Variants in SLC39A11 observed in about 807,000 individuals in gnomAD.
SLC39A11 encodes zinc transporter ZIP11.
A neutral mutation model predicts 36.1 loss-of-function variants in SLC39A11; 33 were observed. The ratio of observed to expected loss-of-function variants is 0.91; its 90% CI spans 0.69 to 1.22. SLC39A11 has a LOEUF of 1.22. SLC39A11 is among the 50% of genes most tolerant of loss of function. The pLI is 0.00. For missense variants in SLC39A11, 432 were observed against 430.3 expected, an observed-to-expected ratio of 1.00 and a Z score of -0.03; for synonymous variants, 166 against 170.3, an observed-to-expected ratio of 0.97 and a Z score of 0.20.
intron 7 of SLC39A11, among the ~76,000 whole-genome samples, chr17:72,697,752 C>T (rs556840596): frequency 2.0e-5 from 3 of 151,208 alleles, no homozygotes; most frequent in East Asian, 3.9e-4. Context: ...ACCCCCGCCC[C>T]GACCCTCATG....
chr17:72,785,667 G>T (rs1315108840), intron 6 of SLC39A11, among the ~76,000 whole-genome samples: 1 of 152,156 alleles, frequency 6.6e-6, no homozygotes, highest in Non-Finnish European at 1.5e-5. Flanking sequence ...TTTAGTGGTG[G>T]CTTCAAATGG....
At chr17:73,021,741 G>A (rs2148593167) in intron 4 of SLC39A11, among the ~76,000 whole-genome samples, 1 of 152,282 alleles carries the variant, frequency 6.6e-6, no homozygotes, top group South Asian at 2.1e-4. Flanking sequence ...GAGCTCAAGA[G>A]ACAGCAAGAG....
intron 5 of SLC39A11, among the ~76,000 whole-genome samples, chr17:72,901,169 G>A (rs2082377015): frequency 6.6e-6 from 1 of 152,242 alleles, no homozygotes; most frequent in Non-Finnish European, 1.5e-5. Flanking sequence ...AAGGCAATGA[G>A]GTGGCCTCGG....
At chr17:73,067,747 A>G (rs2060038967) in intron 3 of SLC39A11, 2 of 816,782 alleles carry the variant, frequency 2.4e-6, no homozygotes, top group South Asian at 3.0e-5. Context: ...ATAAACATAG[A>G]GTAGACACGT....
Position 72,900,184 on chromosome 17 carries a change from A to AAGGAAGGAAG in SLC39A11, c.430+47567_430+47568insCTTCCTTCCT, listed in dbSNP as rs1567912757. Among the ~76,000 whole-genome samples the AAGGAAGGAAG allele has an allele frequency of 1.4e-5, 2 of 144,030 alleles. 1 individual carries two copies. Among genetic ancestry groups the AAGGAAGGAAG allele is most frequent in the African/African-American group, 5.7e-5 (2 of 35,162 alleles). The allele number at this position is 144,030 out of a possible 152,430, so 94.5% of individuals were successfully genotyped here. On this transcript the variant is annotated intron_variant, in intron 5 of 9. Coordinates refer to ENST00000255559, the MANE Select transcript of SLC39A11 (RefSeq NM_139177.4). ...AAGAAAGAAAGAAAGAAAGAAAGAA[A>AAGGAAGGAAG]GAAAGAAAGAAAGAAAGAAAGAAAG...
At position 72,892,806 on chromosome 17, in the gene SLC39A11, T is replaced by C. The variant is rs550661099; in HGVS notation, c.431-43002A>G. ...GAGTGCAGTGAGAAACTGTTCAGATTTGACAGCCATTTCCCGCATAACTCC... is the reference window on the plus strand; with the variant it reads ...GAGTGCAGTGAGAAACTGTTCAGATCTGACAGCCATTTCCCGCATAACTCC... On this transcript the variant is annotated intron_variant, in intron 5 of 9. Transcript: ENST00000255559. Among the ~76,000 whole-genome samples the C allele has an allele frequency of 3.3e-4, 51 of 152,324 alleles. No homozygotes were observed. In the Middle Eastern group the frequency reaches 0.01, roughly 30 times the overall value.
chr17:72,849,869 T>G, intron 5 of SLC39A11, 65 bp from the exon 6 acceptor site: 95 of 1,371,416 alleles, frequency 6.9e-5, no homozygotes, highest in Non-Finnish European at 8.4e-5. Flanking sequence ...GCACGTTAAC[T>G]CTCCAGCAAG....
intron 7 of SLC39A11, among the ~76,000 whole-genome samples, chr17:72,720,224 G>C (rs12952896): frequency 6.6e-6 from 1 of 152,080 alleles, no homozygotes; most frequent in Non-Finnish European, 1.5e-5. Context: ...CAGGGCTCAT[G>C]AGCATGCACA....
chr17:72,754,049 C>CAT (rs571906001), intron 6 of SLC39A11, among the ~76,000 whole-genome samples: 1 of 41,100 alleles, frequency 2.4e-5, no homozygotes, highest in Non-Finnish European at 6.2e-5. Context: ...TATATATACA[C>CAT]ATACACACAC....
intron 5 of SLC39A11, among the ~76,000 whole-genome samples, chr17:72,910,646 G>C (rs1423107286): frequency 2.1e-5 from 2 of 93,176 alleles, no homozygotes; most frequent in Non-Finnish European, 4.6e-5. Context: ...AAAAAAAAAG[G>C]CTGGGCACAG....
intron 6 of SLC39A11, among the ~76,000 whole-genome samples, chr17:72,745,311 G>A (rs1014226266): frequency 6.6e-6 from 1 of 152,244 alleles, no homozygotes; most frequent in Admixed American, 6.5e-5. Flanking sequence ...GAGGTGCTGT[G>A]GGGACATTCT....
At chr17:72,980,115 T>G (rs2148160284) in intron 4 of SLC39A11, among the ~76,000 whole-genome samples, 1 of 152,312 alleles carries the variant, frequency 6.6e-6, no homozygotes, top group African/African-American at 2.4e-5. Flanking sequence ...TGCTTATTTA[T>G]GAAGATATTA....
chr17:72,703,611 A>G (rs1483721870), intron 7 of SLC39A11, among the ~76,000 whole-genome samples: 2 of 152,194 alleles, frequency 1.3e-5, no homozygotes, highest in Non-Finnish European at 2.9e-5. Flanking sequence ...CTGTTTCTCC[A>G]TGGCCAAACT....
chr17:72,984,798 A>G (rs1023532715), intron 4 of SLC39A11, among the ~76,000 whole-genome samples: 5 of 152,262 alleles, frequency 3.3e-5, no homozygotes, highest in African/African-American at 1.2e-4. Flanking sequence ...GTCATCTGAC[A>G]TTTCCTTCTG....
At chr17:72,748,300 C>A (rs973689185) in intron 6 of SLC39A11, among the ~76,000 whole-genome samples, 5 of 137,190 alleles carry the variant, frequency 3.6e-5, no homozygotes, top group African/African-American at 1.4e-4. Flanking sequence ...CCAGCCTGGG[C>A]AATAGAGGGA....
At chr17:72,773,368 C>G (rs1452203796) in intron 6 of SLC39A11, among the ~76,000 whole-genome samples, 1 of 152,140 alleles carries the variant, frequency 6.6e-6, no homozygotes, top group Non-Finnish European at 1.5e-5. Flanking sequence ...ATAATTGAGT[C>G]ATGGGGGTGG....
intron 6 of SLC39A11, chr17:72,839,353 G>C (rs974714541): frequency 6.6e-6 from 1 of 152,116 alleles, no homozygotes; most frequent in East Asian, 1.9e-4. Context: ...AGATTTTTCA[G>C]ATATGATTAT....
At chr17:72,843,296 A>G (rs535575752) in intron 6 of SLC39A11, among the ~76,000 whole-genome samples, 1 of 152,066 alleles carries the variant, frequency 6.6e-6, no homozygotes, top group Non-Finnish European at 1.5e-5. Context: ...GACTCCATAA[A>G]GTCTAAACAC....
chr17:72,791,329 C>G (rs2076695892), intron 6 of SLC39A11, among the ~76,000 whole-genome samples: 2 of 152,126 alleles, frequency 1.3e-5, no homozygotes, highest in South Asian at 4.1e-4. Context: ...TGGTGCACAC[C>G]ATGTCCCAGC....
Sources: gnomAD v4.1 joint callset for allele counts (sites outside exome capture counted in the v4.1 genomes callset) on GRCh38, gnomAD v4.1.1 for gene constraint, MANE v1.5 for transcripts, NCBI Gene and HGNC (gene_info 2026-07-23, HGNC 2026-07-21) for gene names.